The following ARID1B variants were observed in gnomAD, a reference collection of about 807,000 sequenced individuals.
ARID1B encodes the protein AT-rich interaction domain 1B.
ARID1B carries 30 observed loss-of-function variants against 212.3 expected under a neutral mutation model. That is an observed-to-expected ratio of 0.14 (90% CI 0.11 to 0.19). ARID1B has a LOEUF of 0.19. ARID1B is among the 10% of genes least tolerant of loss of function. ARID1B has a pLI of 1.00. For missense variants in ARID1B, 2,891 were observed against 3,204.0 expected (o/e 0.90, Z 2.36); for synonymous variants, 1,402 against 1,301.7 (o/e 1.08, Z -1.66).
rs376687397 is a variant in ARID1B, at chr6:156,783,841, A to C, written c.1791+4370A>C. On this transcript the variant is annotated intron_variant, in intron 1 of 19. Coordinates refer to ENST00000636930, the MANE Select transcript of ARID1B (RefSeq NM_001374828.1). Reference sequence around the variant, plus strand: ...ACACTGGACTGACACTGCTCAGCTCATGGGGTTGTGTGCTTTGATCCATGT... The same window carrying C: ...ACACTGGACTGACACTGCTCAGCTCCTGGGGTTGTGTGCTTTGATCCATGT... 5.9e-5 allele frequency among the ~76,000 whole-genome samples: 9 copies of C among 152,248 alleles called. No homozygotes were observed. In the East Asian group the frequency reaches 1.7e-3, roughly 29 times the overall value.
intron 2 of ARID1B, among the ~76,000 whole-genome samples, chr6:156,839,196 A>G (rs1208226354): frequency 6.6e-6 from 1 of 152,220 alleles, no homozygotes; most frequent in Non-Finnish European, 1.5e-5. Context: ...TGGGTAATTT[A>G]TAAAGAAAGG....
At chr6:157,093,318 G>A (rs888951347) in intron 5 of ARID1B, among the ~76,000 whole-genome samples, 5 of 152,220 alleles carry the variant, frequency 3.3e-5, no homozygotes, top group African/African-American at 9.6e-5. Context: ...CCATTTTATA[G>A]AGAGTGTTAG....
chr6:157,131,470 C>T (rs888298967), intron 6 of ARID1B, among the ~76,000 whole-genome samples: 2 of 151,820 alleles, frequency 1.3e-5, no homozygotes, highest in Non-Finnish European at 2.9e-5. Context: ...AGATCGTGGG[C>T]GAGCCGGGAG....
At chr6:157,170,196 G>A (rs1477494090) in intron 9 of ARID1B, 1 of 152,184 alleles carries the variant, frequency 6.6e-6, no homozygotes, top group Admixed American at 6.5e-5. Context: ...CAATGTGGAG[G>A]TATTTTGCTC....
chr6:156,812,875 T>TA (rs774801335), intron 1 of ARID1B, among the ~76,000 whole-genome samples: 3,474 of 103,462 alleles, frequency 0.034, 80 homozygotes, highest in African/African-American at 0.053. Flanking sequence ...TGGTATGTTA[T>TA]AAAAAAAAAA....
At chr6:156,956,062 T>C (rs1020514920) in intron 4 of ARID1B, among the ~76,000 whole-genome samples, 3 of 152,174 alleles carry the variant, frequency 2.0e-5, no homozygotes, top group Non-Finnish European at 2.9e-5. Flanking sequence ...CCTAGTCTTT[T>C]CTAGGGATGT....
chr6:157,115,001 T>C (rs1229620706), intron 6 of ARID1B, among the ~76,000 whole-genome samples: 2 of 152,192 alleles, frequency 1.3e-5, no homozygotes, highest in African/African-American at 4.8e-5. Flanking sequence ...TAATAAACCA[T>C]GTACCCTGTG....
At position 156,778,292 on chromosome 6, in the gene ARID1B, A is replaced by AGCAACAG. The variant is rs1554247377; in HGVS notation, c.612_613insGCAACAG (p.Gln205AlafsTer112). On this transcript the variant is annotated frameshift_variant, in exon 1 of 20. Transcript: ENST00000636930. LOFTEE classifies it high-confidence loss of function. ...TCCAGCAGCAGCAGCAGCAGCAGCA[A>AGCAACAG]CAGCAGCAGCAGCAGCAGCAGCAAC... 9.2e-6 allele frequency: 14 copies of AGCAACAG among 1,518,256 alleles called. No homozygotes were observed. In the African/African-American group the frequency reaches 1.9e-4, roughly 20 times the overall value. The allele number at this position is 1,518,256 out of a possible 1,614,324, so 94.0% of individuals were successfully genotyped here.
Position 156,999,773 on chromosome 6 carries a change from A to G in ARID1B, c.2247+64197A>G, listed in dbSNP as rs560742646. Among the ~76,000 whole-genome samples the G allele has an allele frequency of 5.3e-5, 8 of 152,162 alleles. No individual in the cohort carries two copies. In the Middle Eastern group the frequency reaches 9.5e-3, roughly 181 times the overall value. ...CTAGGAACACAGCAATGGAAAAACAATTCCACTGTTCGGCTTCCCAAAGTT... is the reference window on the plus strand; with the variant it reads ...CTAGGAACACAGCAATGGAAAAACAGTTCCACTGTTCGGCTTCCCAAAGTT... On this transcript the variant is annotated intron_variant, in intron 4 of 19. Transcript: ENST00000636930.
At chr6:157,037,740 A>G (rs776025774) in intron 4 of ARID1B, among the ~76,000 whole-genome samples, 10 of 152,214 alleles carry the variant, frequency 6.6e-5, no homozygotes, top group Admixed American at 2.0e-4. Flanking sequence ...TGGAGGACGG[A>G]TTAACCAGAG....
At chr6:156,951,587 G>T (rs996331971) in intron 4 of ARID1B, among the ~76,000 whole-genome samples, 1 of 151,944 alleles carries the variant, frequency 6.6e-6, no homozygotes, top group Non-Finnish European at 1.5e-5. Flanking sequence ...GGGACTACAG[G>T]CGCCCGCCAC....
intron 5 of ARID1B, 110 bp from the exon 6 acceptor site, chr6:157,110,362 A>C: frequency 1.1e-6 from 1 of 889,276 alleles, no homozygotes; most frequent in African/African-American, 1.6e-5. Context: ...TAATGGGGCT[A>C]TACCTTTTGT....
intron 4 of ARID1B, among the ~76,000 whole-genome samples, chr6:156,945,825 TG>T (rs1793080425): frequency 6.6e-6 from 1 of 152,046 alleles, no homozygotes; most frequent in Non-Finnish European, 1.5e-5. Flanking sequence ...CTGGCCAACA[TG>T]GTGAAACCCC....
chr6:157,039,745 C>CTTCT (rs1781688964), intron 4 of ARID1B, among the ~76,000 whole-genome samples: 1 of 105,320 alleles, frequency 9.5e-6, no homozygotes, highest in Admixed American at 9.5e-5. Flanking sequence ...CCCTCCCTCC[C>CTTCT]TTCCTTCCTT....
At chr6:157,017,963 C>CA (rs112983063) in intron 4 of ARID1B, among the ~76,000 whole-genome samples, 3,572 of 97,284 alleles carry the variant, frequency 0.037, 205 homozygotes, top group African/African-American at 0.11. Context: ...ACCATCTCTA[C>CA]AAAAAAAAAA....
chr6:157,064,583 C>A (rs1783554184), intron 4 of ARID1B, among the ~76,000 whole-genome samples: 1 of 152,170 alleles, frequency 6.6e-6, no homozygotes, highest in South Asian at 2.1e-4. Context: ...CAAAGTCTGT[C>A]AAGTGGAGAA....
At position 157,088,448 on chromosome 6, in the gene ARID1B, G is replaced by GA. The variant is rs1421742563; in HGVS notation, c.2491+3551dup. ...AAGCTCATGACAGGTTTTTGTTGGG[G>GA]AAAAAAAATGATTGTCTTCTATTTC... On this transcript the variant is annotated intron_variant, in intron 5 of 19. Transcript: ENST00000636930. 5.9e-4 allele frequency among the ~76,000 whole-genome samples: 90 copies of GA among 151,836 alleles called. 1 individual carries two copies. Among genetic ancestry groups the GA allele is most frequent in the Non-Finnish European group, 2.1e-4 (14 of 67,960 alleles).
At position 157,206,170 on chromosome 6, in the gene ARID1B, T is replaced by C. The variant is rs1794427341; in HGVS notation, c.5398T>C (p.Ser1800Pro). 6.2e-7 allele frequency: 1 copy of C among 1,613,918 alleles called. No individual in the cohort carries two copies. The highest frequency in any genetic ancestry group is 8.5e-7 in the Non-Finnish European group (1 of 1,179,828). Residue 1800 changes from serine to proline, a missense_variant, in exon 20 of 20, where the codon TCT (serine) becomes CCT (proline). By Grantham distance (74) the Ser-to-Pro change is moderately conservative. Transcript: ENST00000636930. The surrounding 1 kb of genome is among the most constrained non-coding windows in gnomAD (Gnocchi z 6.8). ...TTCTCCTCCTCCTCCTCTCCAGTTG[T>C]CTGGATTTCTCGAACTTTTAGTCGA... ...TVATFNLSQL[S>P]GFLELLVEYF...
intron 4 of ARID1B, among the ~76,000 whole-genome samples, chr6:157,080,420 C>T (rs544518074): frequency 1.3e-5 from 2 of 152,198 alleles, no homozygotes; most frequent in South Asian, 2.1e-4. Flanking sequence ...TGTAGCAAGT[C>T]GTCATGTAGT....
Sources: allele counts gnomAD v4.1 joint callset (sites outside exome capture counted in the v4.1 genomes callset), GRCh38; gene constraint gnomAD v4.1.1; non-coding constraint Gnocchi (gnomAD v3.1); transcripts MANE v1.5; gene names NCBI Gene and HGNC (gene_info 2026-07-23, HGNC 2026-07-21).